YWHAE: variants seen among roughly 807,000 people sequenced by gnomAD.
YWHAE encodes tyrosine 3-monooxygenase/tryptophan 5-monooxygenase activation protein epsilon, also known as 14-3-3 protein epsilon.
YWHAE carries 4 observed loss-of-function variants against 30.1 expected under a neutral mutation model. The observed-to-expected ratio is 0.13, with a 90% CI of 0.07 to 0.30. YWHAE has a LOEUF of 0.30. Among genes scored for constraint, YWHAE ranks in the 10% least tolerant of loss-of-function variants. The pLI is 1.00. For missense variants in YWHAE, 121 were observed against 315.9 expected (o/e 0.38, Z 4.68); for synonymous variants, 118 against 111.8 (o/e 1.06, Z -0.35).
intron 1 of YWHAE, among the ~76,000 whole-genome samples, chr17:1,392,139 T>A (rs1045768677): frequency 7.9e-5 from 12 of 151,846 alleles, no homozygotes; most frequent in African/African-American, 2.7e-4. Flanking sequence ...GAGCCATAAA[T>A]GTGACACTGC....
chr17:1,392,878 A>G (rs561744863), intron 1 of YWHAE, among the ~76,000 whole-genome samples: 10 of 151,766 alleles, frequency 6.6e-5, no homozygotes, highest in African/African-American at 2.4e-4. Flanking sequence ...GTATGACTAC[A>G]TCACTAACCT....
chr17:1,364,779 T>C (rs2072918669), intron 2 of YWHAE, 80 bp downstream of exon 2: 1 of 1,494,364 alleles, frequency 6.7e-7, no homozygotes, highest in Non-Finnish European at 9.2e-7. Flanking sequence ...TAGTCTCCTT[T>C]TCTCTCAAAA....
chr17:1,371,535 G>A (rs2073042564), intron 1 of YWHAE, among the ~76,000 whole-genome samples: 1 of 152,004 alleles, frequency 6.6e-6, no homozygotes, highest in African/African-American at 2.4e-5. Context: ...TTATAAACCA[G>A]GCAGAGTAAA....
At chr17:1,363,508 G>A (rs1709663364) in intron 2 of YWHAE, among the ~76,000 whole-genome samples, 1 of 152,026 alleles carries the variant, frequency 6.6e-6, no homozygotes, top group African/African-American at 2.4e-5. Flanking sequence ...TCAGGTACCT[G>A]CCCGCCTTGG....
At chr17:1,351,938 C>A (rs34665882) in intron 5 of YWHAE, 6,679 of 142,164 alleles carry the variant, frequency 0.047, 157 homozygotes, top group South Asian at 0.055. Flanking sequence ...CAGGCACATA[C>A]CACTGCACCC....
rs1421237877 is a variant in YWHAE at position 1,345,464 on chromosome 17, C to G, written c.751G>C (p.Glu251Gln). The change falls in exon 6 of 6, where the codon GAA becomes CAA. Residue 251 changes from glutamate (E) to glutamine (Q), a missense_variant. Glu to Gln is a conservative substitution (Grantham distance 29, BLOSUM62 2). Coordinates refer to ENST00000264335, the MANE Select transcript of YWHAE (RefSeq NM_006761.5). The stretch of plus-strand genomic sequence containing the variant: ...CTTATGTCTCACTGATTTTCGTCTT[C>G]CACGTCCTGCAGCGCTTCTTTATTC... ...EQNKEALQDVEDENQ is the reference protein window; with the variant it reads ...EQNKEALQDVQDENQ 6.2e-7 allele frequency: 1 copy of G among 1,613,792 alleles called. No homozygotes were observed.
intron 5 of YWHAE, 85 bp from the exon 6 acceptor site, chr17:1,345,584 TAA>T (rs1226627939): frequency 2.2e-6 from 3 of 1,395,098 alleles, no homozygotes; most frequent in African/African-American, 2.8e-5. Context: ...ATTCCAAGCA[TAA>T]AGACTCTTCT....
At chr17:1,399,879 A>G in intron 1 of YWHAE, 168 bp downstream of exon 1, 1 of 784,378 alleles carries the variant, frequency 1.3e-6, no homozygotes, top group South Asian at 1.6e-5. Flanking sequence ...TCCAGGGCAT[A>G]GAGCCTCCCA....
rs776864543 is a variant in YWHAE at position 1,345,289 on chromosome 17, T to TTA, written c.*157_*158insTA. 1.8e-4 allele frequency: 93 copies of TTA among 508,478 alleles called. No homozygotes were observed. The highest frequency in any genetic ancestry group is 1.8e-3 in the South Asian group (64 of 36,350). 31.5% of individuals were successfully genotyped at this position (508,478 alleles called of 1,614,324 possible). ...CCTTTAAGAACTTTTGAAAACTGTT[T>TTA]AAAAAAAAAAAAAAAAAACCAACAG... On this transcript the variant is annotated 3_prime_UTR_variant, in exon 6 of 6. Coordinates refer to ENST00000264335, the MANE Select transcript of YWHAE (RefSeq NM_006761.5).
intron 4 of YWHAE, among the ~76,000 whole-genome samples, chr17:1,357,558 C>A (rs1431945123): frequency 6.6e-6 from 1 of 151,114 alleles, no homozygotes; most frequent in Non-Finnish European, 1.5e-5. Flanking sequence ...CCAGCCACAG[C>A]AGCAGAGTGA....
intron 1 of YWHAE, among the ~76,000 whole-genome samples, chr17:1,387,474 A>G (rs2073316343): frequency 6.6e-6 from 1 of 152,210 alleles, no homozygotes; most frequent in Admixed American, 6.5e-5. Context: ...ATACTTTAAA[A>G]TTCTGTTTTG....
At position 1,344,704 on chromosome 17, in the gene YWHAE, A is replaced by AAGGAGGGG. The variant is rs912673918; in HGVS notation, c.*735_*742dup. The AAGGAGGGG allele has an allele frequency of 4.4e-6, 1 of 226,588 alleles. No homozygotes were observed. The highest frequency in any genetic ancestry group is 2.2e-5 in the African/African-American group (1 of 44,864). The allele number at this position is 226,588 out of a possible 1,614,324, so 14.0% of individuals were successfully genotyped here. A position where few individuals can be genotyped will look rare whatever the true frequency, so the allele number is the denominator to read the frequency against. On this transcript the variant is annotated 3_prime_UTR_variant, in exon 6 of 6. Coordinates refer to ENST00000264335, the MANE Select transcript of YWHAE (RefSeq NM_006761.5). ...CTGAACAAAAGAGGTTGAGCGAGCG[A>AAGGAGGGG]AGGAGGGGAGGAGTGAGGGGAAGGA... is the stretch of plus-strand genomic sequence containing the variant.
chr17:1,389,845 C>G (rs1361594977), intron 1 of YWHAE, among the ~76,000 whole-genome samples: 1 of 150,390 alleles, frequency 6.6e-6, no homozygotes, highest in African/African-American at 2.4e-5. Context: ...TTTACATTTT[C>G]TTTCTTTCTT....
intron 1 of YWHAE, among the ~76,000 whole-genome samples, chr17:1,384,898 G>A (rs1228866185): frequency 3.3e-5 from 5 of 151,950 alleles, no homozygotes; most frequent in Non-Finnish European, 1.5e-5. Flanking sequence ...TTTTAGTAGA[G>A]ACGGGTTTCT....
intron 1 of YWHAE, among the ~76,000 whole-genome samples, chr17:1,383,651 G>A (rs1388395097): frequency 6.6e-6 from 1 of 151,718 alleles, no homozygotes; most frequent in African/African-American, 2.4e-5. Context: ...GCCTCCCAAA[G>A]TACTAGGATT....
intron 1 of YWHAE, among the ~76,000 whole-genome samples, chr17:1,368,887 A>C (rs1048103952): frequency 6.6e-6 from 1 of 152,232 alleles, no homozygotes; most frequent in African/African-American, 2.4e-5. Context: ...ACATACAGAA[A>C]AACTATGCAG....
intron 4 of YWHAE, 26 bp downstream of exon 4, chr17:1,361,066 C>G: frequency 6.2e-7 from 1 of 1,604,316 alleles, no homozygotes; most frequent in Non-Finnish European, 8.5e-7. Flanking sequence ...TCACGCTGAG[C>G]GCTGCTGTTC....
chr17:1,393,533 C>T (rs1274466106), intron 1 of YWHAE, among the ~76,000 whole-genome samples: 1 of 152,076 alleles, frequency 6.6e-6, no homozygotes, highest in East Asian at 1.9e-4. Context: ...CAGGGTCAAG[C>T]GATTTCCCAC....
At chr17:1,374,003 TG>T (rs2073086122) in intron 1 of YWHAE, among the ~76,000 whole-genome samples, 1 of 152,156 alleles carries the variant, frequency 6.6e-6, no homozygotes. Context: ...ACCTACTGTA[TG>T]GATATACTAT....
Sources: gnomAD v4.1 joint callset for allele counts (sites outside exome capture counted in the v4.1 genomes callset) on GRCh38, gnomAD v4.1.1 for gene constraint, MANE v1.5 for transcripts, NCBI Gene and HGNC (gene_info 2026-07-23, HGNC 2026-07-21) for gene names.